PSD3: variants seen among roughly 807,000 people sequenced by gnomAD.
PSD3 encodes the protein pleckstrin and Sec7 domain containing 3, also known as PH and SEC7 domain-containing protein 3.
PSD3 carries 49 observed loss-of-function variants against 105.5 expected under a neutral mutation model. The ratio of observed to expected loss-of-function variants is 0.46; its 90% CI spans 0.37 to 0.59. The LOEUF (loss-of-function observed/expected upper bound fraction) is 0.59. Ranked by LOEUF, PSD3 falls within the 20% of genes least tolerant of loss-of-function variation. The pLI is 0.00. For synonymous variants in PSD3, 557 were observed against 457.8 expected (o/e 1.22, Z -2.77); for missense variants, 1,561 against 1,263.8 (o/e 1.24, Z -3.57).
chr8:18,664,247 T>C (rs1260042264), intron 9 of PSD3, among the ~76,000 whole-genome samples: 1 of 152,226 alleles, frequency 6.6e-6, no homozygotes, highest in African/African-American at 2.4e-5. Context: ...TTGCACCAGT[T>C]AACCAAGTTG....
chr8:19,020,003 C>T (rs977836027), intron 1 of PSD3, among the ~76,000 whole-genome samples: 3 of 152,028 alleles, frequency 2.0e-5, no homozygotes, highest in Admixed American at 6.6e-5. Context: ...CCCCAAGACC[C>T]GAATAACTGA....
intron 4 of PSD3, among the ~76,000 whole-genome samples, chr8:18,812,669 C>T (rs914514824): frequency 6.6e-6 from 1 of 152,104 alleles, no homozygotes; most frequent in Non-Finnish European, 1.5e-5. Flanking sequence ...AAAGTTAACA[C>T]AGGTTGTGAG....
At position 19,003,601 on chromosome 8, in the gene PSD3, T is replaced by C. The variant is rs147901703; in HGVS notation, c.21+9962A>G. ...TGGGAGGCCTCCAGAGATTCAGCAA[T>C]GGTAAGAAAATATGAGCACATTTTA... On this transcript the variant is annotated intron_variant, in intron 1 of 15. Coordinates refer to ENST00000327040, the MANE Select transcript of PSD3 (RefSeq NM_015310.4). Among the ~76,000 whole-genome samples, 160 of 151,970 alleles carry C rather than the reference T, an allele frequency of 1.1e-3. 1 individual carries two copies. Among genetic ancestry groups the C allele is most frequent in the Middle Eastern group, 3.4e-3 (1 of 290 alleles).
intron 9 of PSD3, among the ~76,000 whole-genome samples, chr8:18,713,109 A>G (rs973052647): frequency 6.6e-6 from 1 of 152,214 alleles, no homozygotes. Flanking sequence ...AATTCTGAAT[A>G]AACTAGGTAT....
chr8:18,870,147 G>A (rs781434459), intron 3 of PSD3, among the ~76,000 whole-genome samples: 15 of 152,112 alleles, frequency 9.9e-5, no homozygotes, highest in Non-Finnish European at 1.9e-4. Context: ...ACCACTCTCA[G>A]TGGGTTTTTT....
chr8:18,759,090 A>G (rs1585865453), intron 9 of PSD3, among the ~76,000 whole-genome samples: 1 of 146,414 alleles, frequency 6.8e-6, no homozygotes, highest in Non-Finnish European at 1.5e-5. Flanking sequence ...ACACACACAC[A>G]CACTCTCTCT....
chr8:19,049,330 C>T lies in PSD3; in HGVS notation c.324+34876G>A, dbSNP rs533009698. ...GGAAGAGGTCAGAAATCCCTTAAAT[C>T]TAAGCCATATGTTTGAATGAGCTCC... On this transcript the variant is annotated intron_variant, in intron 1 of 1. Transcript: ENST00000521475. Among the ~76,000 whole-genome samples the T allele has an allele frequency of 3.0e-4, 45 of 152,230 alleles. No individual in the cohort carries two copies. The South Asian group carries it at 8.5e-3, about 29-fold the overall frequency.
chr8:19,038,712 T>C (rs535582356), intron 1 of PSD3, among the ~76,000 whole-genome samples: 2 of 152,294 alleles, frequency 1.3e-5, no homozygotes, highest in African/African-American at 4.8e-5. Flanking sequence ...ACCTCCCATT[T>C]TGACCTCCGA....
chr8:18,781,497 T>C (rs1432265464), intron 8 of PSD3, among the ~76,000 whole-genome samples: 1 of 152,214 alleles, frequency 6.6e-6, no homozygotes, highest in Non-Finnish European at 1.5e-5. Flanking sequence ...CTCATATTCC[T>C]TGAACTTTGG....
chr8:19,044,482 C>T (rs1828244941), intron 1 of PSD3, among the ~76,000 whole-genome samples: 1 of 152,070 alleles, frequency 6.6e-6, no homozygotes, highest in African/African-American at 2.4e-5. Context: ...TGTGTTAATC[C>T]CTACATGATT....
intron 2 of PSD3, among the ~76,000 whole-genome samples, chr8:18,895,941 C>T (rs1819121636): frequency 6.6e-6 from 1 of 152,222 alleles, no homozygotes; most frequent in East Asian, 1.9e-4. Context: ...TATCCGTTAA[C>T]TAACCTTTGG....
chr8:18,777,080 T>C (rs1304446170), intron 8 of PSD3, among the ~76,000 whole-genome samples: 1 of 152,134 alleles, frequency 6.6e-6, no homozygotes, highest in East Asian at 1.9e-4. Flanking sequence ...TCTACCTCTA[T>C]TGCCCAGACT....
At chr8:18,650,084 T>C (rs1411424326) in intron 10 of PSD3, among the ~76,000 whole-genome samples, 1 of 152,206 alleles carries the variant, frequency 6.6e-6, no homozygotes, top group Non-Finnish European at 1.5e-5. Context: ...AACACTGTTG[T>C]AGAAAGCAGC....
upstream of PSD3, among the ~76,000 whole-genome samples, chr8:19,015,407 C>T (rs983823638): frequency 6.6e-6 from 1 of 152,154 alleles, no homozygotes; most frequent in African/African-American, 2.4e-5. Flanking sequence ...GCATATTTCT[C>T]GTTTGTGATC....
intron 2 of PSD3, among the ~76,000 whole-genome samples, chr8:18,916,347 T>TACACAC (rs1820600486): frequency 1.5e-4 from 8 of 53,840 alleles, no homozygotes; most frequent in Non-Finnish European, 1.7e-4. Context: ...TATATATATA[T>TACACAC]ATACACACAC....
At position 18,625,617 on chromosome 8, in the gene PSD3, G is replaced by A. The variant is rs528111227; in HGVS notation, c.2410+6996C>T. ...AGACTGTCCCAACTACACAAAAAAT[G>A]CAGAATTTAAACATTTCATAAGCAT... On this transcript the variant is annotated intron_variant, in intron 11 of 15. Coordinates refer to ENST00000327040, the MANE Select transcript of PSD3 (RefSeq NM_015310.4). 4.6e-5 allele frequency among the ~76,000 whole-genome samples: 7 copies of A among 152,232 alleles called. No individual in the cohort carries two copies. The South Asian group carries it at 1.5e-3, about 32-fold the overall frequency.
At chr8:18,573,562 C>T (rs1802281196) in intron 13 of PSD3, among the ~76,000 whole-genome samples, 1 of 112,510 alleles carries the variant, frequency 8.9e-6, no homozygotes, top group African/African-American at 3.2e-5. Context: ...TCCAAATTGT[C>T]CAGTAAATGG....
At chr8:18,649,025 C>G (rs1448978333) in intron 10 of PSD3, among the ~76,000 whole-genome samples, 4 of 152,248 alleles carry the variant, frequency 2.6e-5, no homozygotes, top group African/African-American at 2.4e-5. Flanking sequence ...AGGGGTGGAA[C>G]CCTCTTGGAG....
In PSD3 at chr8:18,872,381, A is replaced by G. The variant is rs1214695012; in HGVS notation, c.483T>C (p.Val161=). 6.2e-7 allele frequency: 1 copy of G among 1,614,200 alleles called. No individual in the cohort carries two copies. The highest frequency in any genetic ancestry group is 1.1e-5 in the South Asian group (1 of 91,084). Residue 161 remains valine, a synonymous_variant, in exon 3 of 16, where the codon GTT becomes GTC. Coordinates refer to ENST00000327040, the MANE Select transcript of PSD3 (RefSeq NM_015310.4). ...QATKVLDQDA[V]SSFSVQQVEK... is the part of the protein sequence containing the mutation. Reference sequence around the variant, plus strand: ...CCACCTGCTGAACTGAAAAACTAGAAACAGCATCTTGGTCCAGTACCTTTG... The same window carrying G: ...CCACCTGCTGAACTGAAAAACTAGAGACAGCATCTTGGTCCAGTACCTTTG...
Sources: gnomAD v4.1 joint callset for allele counts (sites outside exome capture counted in the v4.1 genomes callset) on GRCh38, gnomAD v4.1.1 for gene constraint, MANE v1.5 for transcripts, NCBI Gene and HGNC (gene_info 2026-07-23, HGNC 2026-07-21) for gene names.